Variants in LUZP2 observed in about 807,000 individuals in gnomAD.
The protein encoded by LUZP2 is leucine zipper protein 2.
LUZP2 carries 52 observed loss-of-function variants against 51.6 expected under a neutral mutation model. The observed-to-expected ratio is 1.01, with a 90% confidence interval of 0.81 to 1.27. The LOEUF (loss-of-function observed/expected upper bound fraction) is 1.27, where lower values mean the gene tolerates loss of function less well. Among genes scored for constraint, LUZP2 ranks in the 50% most tolerant of loss-of-function variants. The pLI is 0.00. For synonymous variants in LUZP2, 154 were observed against 137.3 expected (o/e 1.12, Z -0.85); for missense variants, 436 against 395.4 (o/e 1.10, Z -0.87).
At chr11:24,924,103 G>A (rs558980451) in intron 7 of LUZP2, among the ~76,000 whole-genome samples, 1 of 150,494 alleles carries the variant, frequency 6.6e-6, no homozygotes, top group Non-Finnish European at 1.5e-5. Flanking sequence ...AATTGAGACG[G>A]AGTCTCATTT....
intron 1 of LUZP2, among the ~76,000 whole-genome samples, chr11:24,688,831 T>C (rs1255680139): frequency 2.0e-5 from 3 of 152,172 alleles, no homozygotes; most frequent in Non-Finnish European, 4.4e-5. Context: ...TACCACACTT[T>C]GTAGCCATTT....
chr11:24,870,229 A>G (rs1183275121), intron 5 of LUZP2, among the ~76,000 whole-genome samples: 1 of 152,118 alleles, frequency 6.6e-6, no homozygotes, highest in East Asian at 1.9e-4. Flanking sequence ...GAAAGTCCCA[A>G]TATTTCTGCT....
intron 5 of LUZP2, among the ~76,000 whole-genome samples, chr11:24,860,344 C>T (rs559500207): frequency 2.4e-4 from 37 of 152,280 alleles, no homozygotes; most frequent in African/African-American, 8.2e-4. Context: ...CTCTGCAAAC[C>T]AGCAGACTTA....
rs1422821992 is a variant in LUZP2 at position 24,960,075 on chromosome 11, C to A, written c.523-16516C>A. On this transcript the variant is annotated intron_variant, in intron 7 of 11. Coordinates refer to ENST00000336930, the MANE Select transcript of LUZP2 (RefSeq NM_001009909.4). ...ATTTATTGATTTGTGTATATTGAAC[C>A]AGCCTTGCATCCCAGGGATGAAGCC... Among the ~76,000 whole-genome samples, 3 of 152,092 alleles carry A rather than the reference C, an allele frequency of 2.0e-5. No homozygotes were observed. The East Asian group carries it at 5.8e-4, about 29-fold the overall frequency.
intron 5 of LUZP2, among the ~76,000 whole-genome samples, chr11:24,766,791 T>C (rs1293050591): frequency 6.6e-6 from 1 of 152,230 alleles, no homozygotes; most frequent in East Asian, 1.9e-4. Context: ...TTTCTTAGTC[T>C]CACTTTGTTG....
intron 9 of LUZP2, among the ~76,000 whole-genome samples, chr11:25,004,249 G>A (rs541632026): frequency 6.6e-6 from 1 of 152,264 alleles, no homozygotes; most frequent in South Asian, 2.1e-4. Flanking sequence ...CATGGACGAG[G>A]GGGTGGCTTG....
chr11:24,723,425 T>C (rs1211294868), intron 1 of LUZP2, among the ~76,000 whole-genome samples: 1 of 152,248 alleles, frequency 6.6e-6, no homozygotes, highest in African/African-American at 2.4e-5. Context: ...AAATATTCAT[T>C]GCAGCATTAC....
At chr11:24,812,543 G>A (rs12271924) in intron 5 of LUZP2, among the ~76,000 whole-genome samples, 7,470 of 152,076 alleles carry the variant, frequency 0.049, 269 homozygotes, top group East Asian at 0.11. Context: ...CTCTTTGCCC[G>A]TTAAAAATAG....
At chr11:25,006,483 C>G (rs900190754) in intron 9 of LUZP2, among the ~76,000 whole-genome samples, 1 of 152,140 alleles carries the variant, frequency 6.6e-6, no homozygotes, top group Non-Finnish European at 1.5e-5. Context: ...GAAGCTGGTT[C>G]CAGGCAAACC....
intron 1 of LUZP2, among the ~76,000 whole-genome samples, chr11:24,687,650 C>A (rs1241461982): frequency 6.6e-6 from 1 of 152,134 alleles, no homozygotes; most frequent in Non-Finnish European, 1.5e-5. Context: ...ACTTGGCACC[C>A]CTACTTGGAG....
At chr11:25,014,564 G>A (rs1336314218) in intron 9 of LUZP2, among the ~76,000 whole-genome samples, 3 of 152,158 alleles carry the variant, frequency 2.0e-5, no homozygotes, top group Non-Finnish European at 2.9e-5. Context: ...AGTAGTGTCT[G>A]TTCATATCCT....
intron 8 of LUZP2, among the ~76,000 whole-genome samples, chr11:24,982,749 G>A (rs1444580388): frequency 6.6e-6 from 1 of 151,614 alleles, no homozygotes; most frequent in African/African-American, 2.4e-5. Flanking sequence ...CTTCATACAT[G>A]TCCCCAAACC....
At position 24,536,864 on chromosome 11, in the gene LUZP2, G is replaced by A. The variant is rs569544986; in HGVS notation, c.62+39559G>A. 3.3e-5 allele frequency among the ~76,000 whole-genome samples: 5 copies of A among 151,748 alleles called. No homozygotes were observed. In the East Asian group the frequency reaches 9.7e-4, roughly 30 times the overall value. On this transcript the variant is annotated intron_variant, in intron 1 of 11. Coordinates refer to ENST00000336930, the MANE Select transcript of LUZP2 (RefSeq NM_001009909.4). ...CTAAGCTTGCTTATTTTTAAGTTTCGATTTAAAGTGAGATACATGGGACAG... is the reference window on the plus strand; with the variant it reads ...CTAAGCTTGCTTATTTTTAAGTTTCAATTTAAAGTGAGATACATGGGACAG...
At chr11:24,567,355 A>G (rs1564995895) in intron 1 of LUZP2, among the ~76,000 whole-genome samples, 1 of 152,142 alleles carries the variant, frequency 6.6e-6, no homozygotes, top group South Asian at 2.1e-4. Flanking sequence ...TTGGAGCATC[A>G]GTAATACACC....
chr11:24,531,549 G>T, intron 1 of LUZP2, among the ~76,000 whole-genome samples: 1 of 150,762 alleles, frequency 6.6e-6, no homozygotes, highest in East Asian at 1.9e-4. Flanking sequence ...AGCTGTACTT[G>T]TGTATCTATT....
chr11:24,956,929 A>C (rs954547634), intron 7 of LUZP2, among the ~76,000 whole-genome samples: 2 of 152,162 alleles, frequency 1.3e-5, no homozygotes, highest in Non-Finnish European at 2.9e-5. Flanking sequence ...GGAATAAAAA[A>C]AAATTAGAAT....
At chr11:24,764,244 T>G (rs1860096086) in intron 5 of LUZP2, among the ~76,000 whole-genome samples, 1 of 152,140 alleles carries the variant, frequency 6.6e-6, no homozygotes, top group African/African-American at 2.4e-5. Flanking sequence ...TGAACCCAGT[T>G]GTATGATTAT....
chr11:24,508,064 C>A (rs1850193453), intron 1 of LUZP2, among the ~76,000 whole-genome samples: 1 of 151,484 alleles, frequency 6.6e-6, no homozygotes, highest in Non-Finnish European at 1.5e-5. Flanking sequence ...TACAATAAAC[C>A]TTGAGGTGAT....
At chr11:24,993,253 C>A (rs1856404010) in intron 9 of LUZP2, among the ~76,000 whole-genome samples, 1 of 152,134 alleles carries the variant, frequency 6.6e-6, no homozygotes, top group African/African-American at 2.4e-5. Context: ...GGGAGAAAAT[C>A]AATCCCAGTA....
Sources: gnomAD v4.1 joint callset for allele counts (sites outside exome capture counted in the v4.1 genomes callset) on GRCh38, gnomAD v4.1.1 for gene constraint, MANE v1.5 for transcripts, NCBI Gene and HGNC (gene_info 2026-07-23, HGNC 2026-07-21) for gene names.